EEFSEC: variants seen among roughly 807,000 people sequenced by gnomAD.
The protein encoded by EEFSEC is eukaryotic elongation factor, selenocysteine-tRNA specific, also known as selenocysteine-specific elongation factor.
In EEFSEC, 43 loss-of-function variants were observed where a neutral mutation model predicts 42.1. The ratio of observed to expected loss-of-function variants is 1.02; its 90% CI spans 0.80 to 1.32. The LOEUF (loss-of-function observed/expected upper bound fraction) is 1.32. Among genes scored for constraint, EEFSEC ranks in the 40% most tolerant of loss-of-function variants. The pLI is 0.00. For missense variants in EEFSEC, 745 were observed against 803.6 expected (o/e 0.93, Z 0.88); for synonymous variants, 354 against 339.1 (o/e 1.04, Z -0.48).
At chr3:128,294,005 AG>A (rs2066675747) in intron 4 of EEFSEC, among the ~76,000 whole-genome samples, 1 of 152,256 alleles carries the variant, frequency 6.6e-6, no homozygotes, top group African/African-American at 2.4e-5. Context: ...CGGTAGTCAG[AG>A]GCACTTGTTC....
intron 1 of EEFSEC, among the ~76,000 whole-genome samples, chr3:128,183,512 C>T (rs1213765620): frequency 6.6e-6 from 1 of 152,180 alleles, no homozygotes; most frequent in Non-Finnish European, 1.5e-5. Flanking sequence ...TAGAGATCAT[C>T]ATTCTTCCTA....
chr3:128,344,292 AT>A (rs2067287844), intron 5 of EEFSEC, among the ~76,000 whole-genome samples: 1 of 152,200 alleles, frequency 6.6e-6, no homozygotes, highest in Non-Finnish European at 1.5e-5. Flanking sequence ...TACATACTTT[AT>A]TTTGAAACCG....
intron 6 of EEFSEC, among the ~76,000 whole-genome samples, chr3:128,365,233 C>G (rs930026430): frequency 6.6e-6 from 1 of 152,174 alleles, no homozygotes; most frequent in South Asian, 2.1e-4. Flanking sequence ...GGAGGGGGCT[C>G]CCTGAGTGGA....
At chr3:128,314,205 G>A (rs11706908) in intron 4 of EEFSEC, among the ~76,000 whole-genome samples, 26,496 of 152,204 alleles carry the variant, frequency 0.17, 3,057 homozygotes, top group African/African-American at 0.33. Flanking sequence ...TGAGGTTTCA[G>A]TGGCTCAATG....
chr3:128,339,450 C>A (rs1193360663), intron 4 of EEFSEC, among the ~76,000 whole-genome samples: 2 of 152,208 alleles, frequency 1.3e-5, no homozygotes, highest in African/African-American at 2.4e-5. Context: ...TTACATATTT[C>A]TCTGCTTCAA....
rs532136739 is a variant in EEFSEC at position 128,250,800 on chromosome 3, C to T, written c.524+3757C>T. 4.7e-4 allele frequency among the ~76,000 whole-genome samples: 72 copies of T among 151,932 alleles called. 1 individual carries two copies. The highest frequency in any genetic ancestry group is 1.9e-3 in the East Asian group (10 of 5,178). Reference sequence around the variant, plus strand: ...GTTGTTGGAATTTTGATAGGTATTGCATTGAATCTGTAGATCTCTTTGGGT... The same window carrying T: ...GTTGTTGGAATTTTGATAGGTATTGTATTGAATCTGTAGATCTCTTTGGGT... On this transcript the variant is annotated intron_variant, in intron 2 of 6. Transcript: ENST00000254730.
intron 4 of EEFSEC, among the ~76,000 whole-genome samples, chr3:128,338,472 C>G (rs996764844): frequency 6.6e-6 from 1 of 152,132 alleles, no homozygotes; most frequent in African/African-American, 2.4e-5. Flanking sequence ...AACAGTGAGT[C>G]AGGTTCCGAT....
chr3:128,201,352 C>T (rs905848983), intron 1 of EEFSEC, among the ~76,000 whole-genome samples: 2 of 151,244 alleles, frequency 1.3e-5, no homozygotes, highest in African/African-American at 4.9e-5. Flanking sequence ...GGAAGTGAGG[C>T]ATCTCTGACC....
At chr3:128,303,677 T>C (rs565157308) in intron 4 of EEFSEC, among the ~76,000 whole-genome samples, 1 of 152,358 alleles carries the variant, frequency 6.6e-6, no homozygotes, top group Admixed American at 6.5e-5. Context: ...GACTTGGTTT[T>C]TTTTATCCAT....
intron 2 of EEFSEC, among the ~76,000 whole-genome samples, chr3:128,250,294 G>A (rs143642995): frequency 2.2e-4 from 33 of 152,076 alleles, no homozygotes; most frequent in African/African-American, 7.0e-4. Flanking sequence ...AATTGCCTGT[G>A]CTTTTGGAGT....
In EEFSEC at chr3:128,273,370, T is replaced by C. The variant is rs868694114; in HGVS notation, c.786+8589T>C. On this transcript the variant is annotated intron_variant, in intron 4 of 6. Transcript: ENST00000254730. The stretch of plus-strand genomic sequence containing the variant: ...GTTGACCTCACAGGAGGCAGGGAAC[T>C]CAGGAAGACTTCTCTCTGCAGGTGC... 2.6e-5 allele frequency among the ~76,000 whole-genome samples: 4 copies of C among 152,326 alleles called. 1 individual carries two copies. The Middle Eastern group carries it at 0.014, about 518-fold the overall frequency.
At position 128,399,110 on chromosome 3, in the gene EEFSEC, A is replaced by T. The variant is rs1487785229; in HGVS notation, c.1601-8959A>T. ...AATAAATAAATAAATAAATAAAATAAAAAAAAACCCTTCCATCCGCATAAT... is the reference window on the plus strand; with the variant it reads ...AATAAATAAATAAATAAATAAAATATAAAAAAACCCTTCCATCCGCATAAT... On this transcript the variant is annotated intron_variant, in intron 6 of 6. Coordinates refer to ENST00000254730, the MANE Select transcript of EEFSEC (RefSeq NM_021937.5). Among the ~76,000 whole-genome samples the T allele has an allele frequency of 5.7e-4, 34 of 59,220 alleles. No individual in the cohort carries two copies. In the African/African-American group the frequency reaches 7.8e-3, roughly 14 times the overall value. 38.9% of individuals were successfully genotyped at this position (59,220 alleles called of 152,430 possible).
chr3:128,283,311 C>T (rs1328570205), intron 4 of EEFSEC, among the ~76,000 whole-genome samples: 1 of 152,122 alleles, frequency 6.6e-6, no homozygotes, highest in East Asian at 1.9e-4. Context: ...TATGTTCGTT[C>T]GTTTGATTAT....
At chr3:128,284,382 T>C (rs562820717) in intron 4 of EEFSEC, among the ~76,000 whole-genome samples, 1 of 152,184 alleles carries the variant, frequency 6.6e-6, no homozygotes, top group South Asian at 2.1e-4. Context: ...AAATGCATGA[T>C]CTGTTTGCTT....
intron 1 of EEFSEC, among the ~76,000 whole-genome samples, chr3:128,178,710 C>G (rs1178748093): frequency 1.3e-5 from 2 of 152,162 alleles, no homozygotes; most frequent in Non-Finnish European, 2.9e-5. Flanking sequence ...TAAATGAATT[C>G]AGATTGACTT....
intron 4 of EEFSEC, among the ~76,000 whole-genome samples, chr3:128,303,090 A>G (rs1419423531): frequency 6.6e-6 from 1 of 152,172 alleles, no homozygotes; most frequent in East Asian, 1.9e-4. Context: ...ACTGCATCAA[A>G]TGATATATTG....
intron 5 of EEFSEC, among the ~76,000 whole-genome samples, chr3:128,345,019 G>T (rs1056882811): frequency 6.6e-6 from 1 of 152,200 alleles, no homozygotes; most frequent in Non-Finnish European, 1.5e-5. Context: ...TGCTTGACCA[G>T]GGGCTCAGCC....
rs2066333945 is a variant in EEFSEC at position 128,264,676 on chromosome 3, T to C, written c.681T>C (p.Ser227=). ...TRDPSGPFLM[S]VDHCFSIKGQ... Reference sequence around the variant, plus strand: ...ATCCCTCGGGACCGTTCCTCATGTCTGTGGACCACTGTTTCTCCATCAAAG... The same window carrying C: ...ATCCCTCGGGACCGTTCCTCATGTCCGTGGACCACTGTTTCTCCATCAAAG... Residue 227 remains serine, a synonymous_variant, in exon 4 of 7, where the codon TCT becomes TCC. Transcript: ENST00000254730. The C allele has an allele frequency of 6.2e-7, 1 of 1,614,130 alleles. No individual in the cohort carries two copies. Among genetic ancestry groups the C allele is most frequent in the Non-Finnish European group, 8.5e-7 (1 of 1,180,002 alleles).
intron 1 of EEFSEC, among the ~76,000 whole-genome samples, chr3:128,224,686 T>C (rs2065891766): frequency 6.6e-6 from 1 of 152,236 alleles, no homozygotes; most frequent in South Asian, 2.1e-4. Context: ...AATACTTATG[T>C]ATATATCTTT....
Sources: gnomAD v4.1 joint callset for allele counts (sites outside exome capture counted in the v4.1 genomes callset) on GRCh38, gnomAD v4.1.1 for gene constraint, MANE v1.5 for transcripts, NCBI Gene and HGNC (gene_info 2026-07-23, HGNC 2026-07-21) for gene names.